HIPK2: variants seen among roughly 807,000 people sequenced by gnomAD.
HIPK2 encodes homeodomain-interacting protein kinase 2.
Under a neutral mutation model 113.7 loss-of-function variants are expected in HIPK2, and 27 were observed. The observed-to-expected ratio is 0.24, with a 90% CI of 0.17 to 0.33. The LOEUF is 0.33. Among genes scored for constraint, HIPK2 ranks in the 10% least tolerant of loss-of-function variants. HIPK2 has a pLI of 1.00. For missense variants in HIPK2, 1,257 were observed against 1,588.0 expected (o/e 0.79, Z 3.54); for synonymous variants, 631 against 642.2 (o/e 0.98, Z 0.26).
chr7:139,674,676 A>G (rs1330896540), intron 2 of HIPK2, among the ~76,000 whole-genome samples: 1 of 152,256 alleles, frequency 6.6e-6, no homozygotes, highest in Admixed American at 6.5e-5. Flanking sequence ...GTAATCTATT[A>G]ATCAATTAGT....
Position 139,613,220 on chromosome 7 carries a change from T to C in HIPK2, c.2094A>G (p.Gln698=), listed in dbSNP as rs1799899644. Residue 698 remains glutamine (Q), a synonymous_variant, in exon 9 of 15, where the codon CAA becomes CAG. Transcript: ENST00000406875. The surrounding 1 kb of genome is among the most constrained non-coding windows in gnomAD (Gnocchi z 4.2). The part of the protein sequence containing the change: ...QAPGAQPLQI[Q]PGLLAQQAWP... ...GAATTACCTGGGCAAGCAGACCTGG[T>C]TGGATCTGAAGAGGCTGAGCTCCTG... is the stretch of plus-strand genomic sequence containing the variant. The C allele has an allele frequency of 1.9e-6, 3 of 1,613,846 alleles. No homozygotes were observed. Among genetic ancestry groups the C allele is most frequent in the Middle Eastern group, 1.6e-4 (1 of 6,062 alleles).
chr7:139,634,791 C>T (rs1800752582), intron 2 of HIPK2, among the ~76,000 whole-genome samples: 1 of 149,756 alleles, frequency 6.7e-6, no homozygotes, highest in South Asian at 2.1e-4. Context: ...GATTCTCGTG[C>T]CTCAGCCTTC....
chr7:139,706,405 C>T (rs547649717), intron 2 of HIPK2, among the ~76,000 whole-genome samples: 2 of 152,110 alleles, frequency 1.3e-5, no homozygotes, highest in South Asian at 2.1e-4. Flanking sequence ...ACTGGGCATG[C>T]GAGGGTTTCC....
Position 139,631,057 on chromosome 7 carries a change from A to C in HIPK2, c.1347+108T>G. 7.1e-7 allele frequency: 1 copy of C among 1,403,422 alleles called. No homozygotes were observed. Among genetic ancestry groups the C allele is most frequent in the Non-Finnish European group, 9.5e-7 (1 of 1,047,390 alleles). 86.9% of individuals were successfully genotyped at this position (1,403,422 alleles called of 1,614,324 possible). A position where few individuals can be genotyped will look rare whatever the true frequency, so the allele number is the denominator to read the frequency against. On this transcript the variant is annotated intron_variant, in intron 4 of 14. Coordinates refer to ENST00000406875, the MANE Select transcript of HIPK2 (RefSeq NM_022740.5). The surrounding 1 kb of genome is among the most constrained non-coding windows in gnomAD (Gnocchi z 4.9). ...ACCATGTATTAACAACAGCACCCCCAGTGCCCTCATTTTGCTGACTGAATC... is the reference window on the plus strand; with the variant it reads ...ACCATGTATTAACAACAGCACCCCCCGTGCCCTCATTTTGCTGACTGAATC...
rs71170912 is a variant in HIPK2 at position 139,729,324 on chromosome 7, TGAGAGAGAGAGAGAGAGAGAGAGAGAGA to T, written c.20-12337_20-12310del. Among the ~76,000 whole-genome samples the T allele has an allele frequency of 2.0e-3, 138 of 69,200 alleles. 2 individuals carry two copies. Among genetic ancestry groups the T allele is most frequent in the African/African-American group, 6.2e-3 (130 of 20,916 alleles). 45.4% of individuals were successfully genotyped at this position (69,200 alleles called of 152,430 possible). A position where few individuals can be genotyped will look rare whatever the true frequency, so the allele number is the denominator to read the frequency against. On this transcript the variant is annotated intron_variant, in intron 1 of 14. Coordinates refer to ENST00000406875, the MANE Select transcript of HIPK2 (RefSeq NM_022740.5). Reference sequence around the variant, plus strand: ...TGGGTGACAGAGTAGACCCTGTCTCTGAGAGAGAGAGAGAGAGAGAGAGAGAGAGAGAGAGAGAGAGAGAGAGAGAGAG... The same window carrying T: ...TGGGTGACAGAGTAGACCCTGTCTCTGAGAGAGAGAGAGAGAGAGAGAGAG...
chr7:139,724,981 A>G (rs374570075), intron 1 of HIPK2, among the ~76,000 whole-genome samples: 4 of 152,150 alleles, frequency 2.6e-5, no homozygotes, highest in Non-Finnish European at 4.4e-5. Context: ...GACAATAACA[A>G]TACTACTGAT....
intron 2 of HIPK2, among the ~76,000 whole-genome samples, chr7:139,643,797 CATG>C (rs1032050417): frequency 6.6e-6 from 1 of 152,180 alleles, no homozygotes; most frequent in African/African-American, 2.4e-5. Flanking sequence ...GTTTGGACTC[CATG>C]ATAAGTATTT....
At position 139,596,413 on chromosome 7, in the gene HIPK2, C is replaced by T. The variant is rs372130460; in HGVS notation, c.2717+304G>A. Among the ~76,000 whole-genome samples the T allele has an allele frequency of 1.6e-4, 24 of 152,332 alleles. No homozygotes were observed. In the East Asian group the frequency reaches 3.7e-3, roughly 23 times the overall value. On this transcript the variant is annotated intron_variant, in intron 12 of 14. Coordinates refer to ENST00000406875, the MANE Select transcript of HIPK2 (RefSeq NM_022740.5). ...CTTGAGGCAGAGACTTTTAAACTTA[C>T]AGAGGATGAAATACACTGGCATTGT...
chr7:139,660,385 C>T (rs1801827498), intron 2 of HIPK2, among the ~76,000 whole-genome samples: 1 of 152,166 alleles, frequency 6.6e-6, no homozygotes. Flanking sequence ...TCATGTATAC[C>T]ACAGGACATT....
At chr7:139,647,251 G>C (rs1585322620) in intron 2 of HIPK2, among the ~76,000 whole-genome samples, 1 of 151,980 alleles carries the variant, frequency 6.6e-6, no homozygotes, top group Non-Finnish European at 1.5e-5. Flanking sequence ...TGTCTACTGG[G>C]GTGAGAGGGT....
At chr7:139,688,226 C>G (rs566534521) in intron 2 of HIPK2, among the ~76,000 whole-genome samples, 1 of 152,220 alleles carries the variant, frequency 6.6e-6, no homozygotes, top group Admixed American at 6.5e-5. Context: ...TTCGTGACCA[C>G]GTGAATCTGG....
chr7:139,626,243 C>G (rs558815252), intron 6 of HIPK2, among the ~76,000 whole-genome samples: 8 of 152,114 alleles, frequency 5.3e-5, no homozygotes, highest in African/African-American at 1.9e-4. Flanking sequence ...GCTGGGATTA[C>G]AGGTGCGCCC....
Position 139,595,973 on chromosome 7 carries a change from A to G in HIPK2, c.2717+744T>C, listed in dbSNP as rs1369672176. ...GCAAAGGAGCCAGCAGGGTGGGGCCATGAGATTTTGGGCTCTACAAGGCCA... is the reference window on the plus strand; with the variant it reads ...GCAAAGGAGCCAGCAGGGTGGGGCCGTGAGATTTTGGGCTCTACAAGGCCA... On this transcript the variant is annotated intron_variant, in intron 12 of 14. Coordinates refer to ENST00000406875, the MANE Select transcript of HIPK2 (RefSeq NM_022740.5). 3.3e-5 allele frequency among the ~76,000 whole-genome samples: 5 copies of G among 152,236 alleles called. No homozygotes were observed. The South Asian group carries it at 6.2e-4, about 19-fold the overall frequency.
At position 139,714,640 on chromosome 7, in the gene HIPK2, G is replaced by T. The variant is rs1795166833; in HGVS notation, c.1103+1292C>A. Reference sequence around the variant, plus strand: ...AGCACACGGGCAAGCGAGCGTGCTTGCTTGCAAGCAGGATGGCCTCCGGGG... The same window carrying T: ...AGCACACGGGCAAGCGAGCGTGCTTTCTTGCAAGCAGGATGGCCTCCGGGG... On this transcript the variant is annotated intron_variant, in intron 2 of 14. Coordinates refer to ENST00000406875, the MANE Select transcript of HIPK2 (RefSeq NM_022740.5). The surrounding 1 kb of genome is among the most constrained non-coding windows in gnomAD (Gnocchi z 4.2). 6.6e-6 allele frequency among the ~76,000 whole-genome samples: 1 copy of T among 152,240 alleles called. No individual in the cohort carries two copies. The highest frequency in any genetic ancestry group is 6.5e-5 in the Admixed American group (1 of 15,290).
intron 2 of HIPK2, among the ~76,000 whole-genome samples, chr7:139,664,969 A>G (rs1350663500): frequency 2.0e-5 from 3 of 152,008 alleles, no homozygotes; most frequent in Admixed American, 1.3e-4. Flanking sequence ...TAACACCACC[A>G]TAACAACAGT....
rs1168285140 is a variant in HIPK2, at chr7:139,566,548, T to A, written c.*6379A>T. The A allele has an allele frequency of 6.6e-6, 1 of 152,150 alleles. No individual in the cohort carries two copies. The allele number at this position is 152,150 out of a possible 1,614,324, so 9.4% of individuals were successfully genotyped here. A position where few individuals can be genotyped will look rare whatever the true frequency, so the allele number is the denominator to read the frequency against. ...AAATCACATCTCAGGAAGGGCCTGA[T>A]GAACAAAAAAGGGAACCTTGGGGAT... is the stretch of plus-strand genomic sequence containing the variant. On this transcript the variant is annotated 3_prime_UTR_variant, in exon 15 of 15. Transcript: ENST00000406875. The surrounding 1 kb of genome is among the most constrained non-coding windows in gnomAD (Gnocchi z 4.1).
intron 1 of HIPK2, among the ~76,000 whole-genome samples, chr7:139,775,965 C>A (rs1796734691): frequency 6.6e-6 from 1 of 152,196 alleles, no homozygotes; most frequent in South Asian, 2.1e-4. Flanking sequence ...TCTCAACTCA[C>A]CGGGAGTGTC....
At chr7:139,593,811 G>A (rs1799106748) in intron 12 of HIPK2, among the ~76,000 whole-genome samples, 1 of 152,220 alleles carries the variant, frequency 6.6e-6, no homozygotes, top group African/African-American at 2.4e-5. Flanking sequence ...TCAATGTGTA[G>A]GAGGGAAGGT....
At chr7:139,668,871 AT>A (rs1421244147) in intron 2 of HIPK2, among the ~76,000 whole-genome samples, 1 of 152,256 alleles carries the variant, frequency 6.6e-6, no homozygotes, top group Non-Finnish European at 1.5e-5. Context: ...AAGAAGACTG[AT>A]GACTGTTTTA....
Sources: gnomAD v4.1 joint callset for allele counts (sites outside exome capture counted in the v4.1 genomes callset) on GRCh38, gnomAD v4.1.1 for gene constraint, Gnocchi (gnomAD v3.1) non-coding constraint, MANE v1.5 for transcripts, NCBI Gene and HGNC (gene_info 2026-07-23, HGNC 2026-07-21) for gene names.